The following CYP7B1 variants were observed in gnomAD, a reference collection of about 807,000 sequenced individuals.
The protein encoded by CYP7B1 is cytochrome P450 family 7 subfamily B member 1.
CYP7B1 carries 29 observed loss-of-function variants against 42.7 expected under a neutral mutation model. That is an observed-to-expected ratio of 0.68 (90% confidence interval 0.51 to 0.93). The LOEUF is 0.93. Ranked by LOEUF, CYP7B1 falls within the 40% of genes least tolerant of loss-of-function variation. CYP7B1 has a pLI of 0.00. For synonymous variants in CYP7B1, 235 were observed against 218.2 expected, an observed-to-expected ratio of 1.08 and a Z score of -0.68; for missense variants, 655 against 600.5, an observed-to-expected ratio of 1.09 and a Z score of -0.95.
At chr8:64,797,261 A>G (rs530756238) in intron 1 of CYP7B1, among the ~76,000 whole-genome samples, 6 of 152,132 alleles carry the variant, frequency 3.9e-5, no homozygotes, top group Non-Finnish European at 7.3e-5. Flanking sequence ...TCTACCCTGC[A>G]TGTAAAGTGG....
At chr8:64,731,331 A>T (rs1297087842) in intron 1 of CYP7B1, among the ~76,000 whole-genome samples, 2 of 152,128 alleles carry the variant, frequency 1.3e-5, no homozygotes, top group Non-Finnish European at 2.9e-5. Context: ...TGGGAACTGT[A>T]TGGAGGTCTC....
chr8:64,713,224 C>T (rs1173644611), intron 1 of CYP7B1, among the ~76,000 whole-genome samples: 1 of 152,044 alleles, frequency 6.6e-6, no homozygotes, highest in Non-Finnish European at 1.5e-5. Context: ...AATAAATCAA[C>T]CTGATATCAA....
chr8:64,755,791 T>G (rs1279755884), intron 1 of CYP7B1, among the ~76,000 whole-genome samples: 1 of 152,196 alleles, frequency 6.6e-6, no homozygotes, highest in East Asian at 1.9e-4. Context: ...AATATAAGAA[T>G]AATTTAGTAC....
At chr8:64,610,590 A>T (rs1805349430) in intron 4 of CYP7B1, among the ~76,000 whole-genome samples, 1 of 152,176 alleles carries the variant, frequency 6.6e-6, no homozygotes, top group Admixed American at 6.6e-5. Flanking sequence ...ATATATAGGA[A>T]TGCTCTCTAT....
intron 1 of CYP7B1, among the ~76,000 whole-genome samples, chr8:64,685,329 G>A (rs1200760807): frequency 1.5e-5 from 2 of 131,662 alleles, no homozygotes; most frequent in South Asian, 2.8e-4. Flanking sequence ...GCCGCCCATC[G>A]TCTGGGATGT....
At chr8:64,632,469 A>G (rs1385565711) in intron 1 of CYP7B1, among the ~76,000 whole-genome samples, 2 of 152,134 alleles carry the variant, frequency 1.3e-5, no homozygotes, top group Admixed American at 1.3e-4. Context: ...TCAGTTAAGC[A>G]AGATGAATTA....
At chr8:64,688,276 G>C (rs1286974896) in intron 1 of CYP7B1, among the ~76,000 whole-genome samples, 2 of 152,064 alleles carry the variant, frequency 1.3e-5, no homozygotes, top group African/African-American at 2.4e-5. Flanking sequence ...TTAGAGACTT[G>C]GGTGGTGGCC....
At chr8:64,797,631 G>C (rs1022330096) in intron 1 of CYP7B1, among the ~76,000 whole-genome samples, 1 of 152,080 alleles carries the variant, frequency 6.6e-6, no homozygotes, top group African/African-American at 2.4e-5. Flanking sequence ...GAAACAACCT[G>C]TATCACACAC....
At chr8:64,718,673 G>C (rs745738270) in intron 1 of CYP7B1, among the ~76,000 whole-genome samples, 4 of 152,204 alleles carry the variant, frequency 2.6e-5, no homozygotes, top group Non-Finnish European at 5.9e-5. Context: ...CTGTTGTTTG[G>C]GGTGAAAGTT....
At chr8:64,671,248 G>A (rs914929566) in intron 1 of CYP7B1, among the ~76,000 whole-genome samples, 1 of 152,030 alleles carries the variant, frequency 6.6e-6, no homozygotes, top group Admixed American at 6.6e-5. Flanking sequence ...ACTACCAATA[G>A]AGCTTGGGGC....
intron 2 of CYP7B1, among the ~76,000 whole-genome samples, chr8:64,622,843 T>C (rs1004005577): frequency 1.3e-5 from 2 of 152,074 alleles, no homozygotes; most frequent in African/African-American, 2.4e-5. Context: ...TTGAGAAACG[T>C]AGGTACATTT....
At chr8:64,626,192 A>G (rs115377437) in intron 1 of CYP7B1, among the ~76,000 whole-genome samples, 129 of 152,304 alleles carry the variant, frequency 8.5e-4, no homozygotes, top group African/African-American at 2.5e-3. Flanking sequence ...CCAGGATGCA[A>G]GACTTGGAGT....
chr8:64,771,047 CTTTT>C (rs757503820), intron 1 of CYP7B1, among the ~76,000 whole-genome samples: 18 of 42,498 alleles, frequency 4.2e-4, no homozygotes, highest in African/African-American at 8.3e-4. Context: ...ATATCAGCAT[CTTTT>C]TTTTTTTTTT....
At chr8:64,699,916 A>G (rs1270561544) in intron 1 of CYP7B1, among the ~76,000 whole-genome samples, 1 of 152,118 alleles carries the variant, frequency 6.6e-6, no homozygotes, top group Non-Finnish European at 1.5e-5. Flanking sequence ...AGTTGCATCA[A>G]TCTGGAAATG....
chr8:64,747,640 C>T (rs117374677), intron 1 of CYP7B1, among the ~76,000 whole-genome samples: 2,639 of 151,686 alleles, frequency 0.017, 28 homozygotes, highest in Middle Eastern at 0.027. Context: ...TAAGTGGAAC[C>T]GTGCAGTTCA....
chr8:64,765,734 G>C (rs551578087), intron 1 of CYP7B1, among the ~76,000 whole-genome samples: 1 of 152,136 alleles, frequency 6.6e-6, no homozygotes, highest in Non-Finnish European at 1.5e-5. Context: ...ATGACTAGGG[G>C]TGCTGGCATC....
intron 1 of CYP7B1, among the ~76,000 whole-genome samples, chr8:64,742,162 T>C (rs892190880): frequency 1.3e-5 from 2 of 151,986 alleles, no homozygotes; most frequent in East Asian, 1.9e-4. Flanking sequence ...GAAATTATGA[T>C]CTGTACTGTC....
intron 1 of CYP7B1, among the ~76,000 whole-genome samples, chr8:64,654,005 T>C (rs1585834739): frequency 1.3e-5 from 2 of 152,252 alleles, no homozygotes; most frequent in South Asian, 2.1e-4. Context: ...TAAATAGATA[T>C]TGTAGAAACA....
chr8:64,708,447 AG>A (rs1456411969), intron 1 of CYP7B1, among the ~76,000 whole-genome samples: 2 of 152,196 alleles, frequency 1.3e-5, no homozygotes, highest in Non-Finnish European at 2.9e-5. Context: ...AAAATCCTTA[AG>A]GAAAGAAGTC....
Sources: gnomAD v4.1 joint callset for allele counts (sites outside exome capture counted in the v4.1 genomes callset) on GRCh38, gnomAD v4.1.1 for gene constraint, MANE v1.5 for transcripts, NCBI Gene and HGNC (gene_info 2026-07-23, HGNC 2026-07-21) for gene names.